RTN4: variants seen among roughly 807,000 people sequenced by gnomAD.
RTN4 encodes reticulon 4, also known as reticulon-4.
A neutral mutation model predicts 90.4 loss-of-function variants in RTN4; 32 were observed. The observed-to-expected ratio is 0.35, with a 90% CI of 0.27 to 0.48. The LOEUF is 0.48. RTN4 is among the 20% of genes least tolerant of loss of function. RTN4 has a pLI of 0.99. For synonymous variants in RTN4, 629 were observed against 552.5 expected (o/e 1.14, Z -1.94); for missense variants, 1,706 against 1,430.2 (o/e 1.19, Z -3.11).
intron 3 of RTN4, among the ~76,000 whole-genome samples, chr2:55,001,196 T>C (rs1424245469): frequency 6.6e-6 from 1 of 152,166 alleles, no homozygotes; most frequent in Non-Finnish European, 1.5e-5. Flanking sequence ...TACTATTCAT[T>C]TTATTAAAAA....
At chr2:55,007,348 T>G (rs1369341342) in intron 3 of RTN4, among the ~76,000 whole-genome samples, 1 of 152,168 alleles carries the variant, frequency 6.6e-6, no homozygotes, top group Non-Finnish European at 1.5e-5. Context: ...CCAGTTGATC[T>G]TATGCAGCAC....
At chr2:55,077,754 T>TACACACACAC (rs1329165694) in intron 2 of RTN4, among the ~76,000 whole-genome samples, 1 of 55,130 alleles carries the variant, frequency 1.8e-5, no homozygotes, top group African/African-American at 7.4e-5. Flanking sequence ...GAAAATGTTT[T>TACACACACAC]ATACACACAC....
At chr2:55,021,655 T>C (rs890739992) in intron 3 of RTN4, among the ~76,000 whole-genome samples, 9 of 152,164 alleles carry the variant, frequency 5.9e-5, no homozygotes, top group Non-Finnish European at 1.0e-4. Context: ...ATGCCTGTTA[T>C]ATAATCAAGT....
At chr2:55,072,168 A>G (rs893737655) in intron 2 of RTN4, among the ~76,000 whole-genome samples, 2 of 152,080 alleles carry the variant, frequency 1.3e-5, no homozygotes, top group African/African-American at 2.4e-5. Flanking sequence ...TTCAAAAAAA[A>G]ATATGTAAAA....
At chr2:55,110,905 G>A (rs1400656533) in intron 1 of RTN4, among the ~76,000 whole-genome samples, 3 of 152,156 alleles carry the variant, frequency 2.0e-5, no homozygotes, top group Admixed American at 6.5e-5. Context: ...GCTGGGCGTG[G>A]TGGCACATGC....
intron 3 of RTN4, among the ~76,000 whole-genome samples, chr2:55,018,220 A>C (rs1346953643): frequency 6.6e-6 from 1 of 152,200 alleles, no homozygotes; most frequent in African/African-American, 2.4e-5. Flanking sequence ...TGTTGGTCAG[A>C]AGATGTTCCA....
chr2:54,996,666 C>G (rs1679450837), intron 3 of RTN4, among the ~76,000 whole-genome samples: 1 of 152,240 alleles, frequency 6.6e-6, no homozygotes, highest in Admixed American at 6.5e-5. Context: ...TCTTCTACTT[C>G]ATATCACACA....
chr2:55,042,449 C>T (rs1683140790), intron 1 of RTN4, among the ~76,000 whole-genome samples: 1 of 152,138 alleles, frequency 6.6e-6, no homozygotes, highest in South Asian at 2.1e-4. Context: ...TCCTCTGCAT[C>T]TATTTTTGTG....
the RTN4 span, among the ~76,000 whole-genome samples, chr2:55,128,802 A>G: frequency 6.6e-6 from 1 of 152,170 alleles, no homozygotes. Context: ...GAAAAAAGAA[A>G]AAAAAAAAGG....
the RTN4 span, among the ~76,000 whole-genome samples, chr2:55,136,071 G>A: frequency 6.6e-6 from 1 of 152,190 alleles, no homozygotes; most frequent in Non-Finnish European, 1.5e-5. Flanking sequence ...ATTGGTCACA[G>A]CCAGTGCCAG....
intron 5 of RTN4, among the ~76,000 whole-genome samples, chr2:54,975,929 C>T (rs971176567): frequency 1.3e-5 from 2 of 152,024 alleles, no homozygotes; most frequent in Non-Finnish European, 1.5e-5. Context: ...TTTAAGCTGC[C>T]GTATTCTTAG....
intron 3 of RTN4, among the ~76,000 whole-genome samples, chr2:55,013,700 C>G (rs1239242119): frequency 1.3e-5 from 2 of 151,826 alleles, no homozygotes; most frequent in South Asian, 4.1e-4. Context: ...ACAGGCAGCA[C>G]TAGGCAAGGT....
intron 3 of RTN4, among the ~76,000 whole-genome samples, chr2:55,000,702 T>G (rs909977845): frequency 2.0e-5 from 3 of 152,156 alleles, no homozygotes; most frequent in Non-Finnish European, 4.4e-5. Flanking sequence ...AAACTGAAAT[T>G]CAAGTCTGAC....
chr2:55,062,533 G>A (rs990911164), intron 2 of RTN4, among the ~76,000 whole-genome samples: 2 of 152,122 alleles, frequency 1.3e-5, no homozygotes, highest in African/African-American at 4.8e-5. Context: ...GGGGGACAAG[G>A]GAATCTTTCC....
chr2:55,099,564 G>C (rs902892712), intron 1 of RTN4, among the ~76,000 whole-genome samples: 1 of 152,034 alleles, frequency 6.6e-6, no homozygotes, highest in Admixed American at 6.6e-5. Flanking sequence ...GGTATTTCAG[G>C]ACATCAATCA....
intron 3 of RTN4, among the ~76,000 whole-genome samples, chr2:54,998,490 G>A (rs1006574079): frequency 2.0e-5 from 3 of 151,958 alleles, no homozygotes; most frequent in African/African-American, 2.4e-5. Context: ...ATGTTTCTAC[G>A]CTTTAGACTT....
chr2:55,071,689 C>A (rs116492120), intron 2 of RTN4, among the ~76,000 whole-genome samples: 1 of 152,068 alleles, frequency 6.6e-6, no homozygotes, highest in Non-Finnish European at 1.5e-5. Flanking sequence ...AAACCATAGC[C>A]CATACCCTTC....
chr2:55,026,857 G>C lies in RTN4; in HGVS notation c.1242C>G (p.Ser414Arg). 1.2e-6 allele frequency: 2 copies of C among 1,613,792 alleles called. No homozygotes were observed. The highest frequency in any genetic ancestry group is 1.7e-6 in the Non-Finnish European group (2 of 1,179,852). Residue 414 changes from serine to arginine, a missense_variant, in exon 3 of 9, where the codon AGC becomes AGG. Coordinates refer to ENST00000337526, the MANE Select transcript of RTN4 (RefSeq NM_020532.5). ...DMLAAGGKIE[S>R]NLESKVDKKC... Reference sequence around the variant, plus strand: ...TTTTATCCACTTTACTTTCCAAGTTGCTCTCGATTTTACCTCCAGCAGCCA... The same window carrying C: ...TTTTATCCACTTTACTTTCCAAGTTCCTCTCGATTTTACCTCCAGCAGCCA...
chr2:55,038,077 G>T (rs1223282612), intron 1 of RTN4, among the ~76,000 whole-genome samples: 1 of 152,088 alleles, frequency 6.6e-6, no homozygotes, highest in Non-Finnish European at 1.5e-5. Context: ...CTTATTATAT[G>T]TATGGAAAAG....
Sources: gnomAD v4.1 joint callset for allele counts (sites outside exome capture counted in the v4.1 genomes callset) on GRCh38, gnomAD v4.1.1 for gene constraint, MANE v1.5 for transcripts, NCBI Gene and HGNC (gene_info 2026-07-23, HGNC 2026-07-21) for gene names.